ABCB1: variants seen among roughly 807,000 people sequenced by gnomAD.
ABCB1 encodes the protein ATP-dependent translocase ABCB1.
ABCB1 carries 69 observed loss-of-function variants against 142.0 expected under a neutral mutation model. The observed-to-expected ratio is 0.49, with a 90% CI of 0.40 to 0.59. The LOEUF (loss-of-function observed/expected upper bound fraction) is 0.59. Among genes scored for constraint, ABCB1 ranks in the 20% least tolerant of loss-of-function variants. ABCB1 has a pLI of 0.00. For synonymous variants in ABCB1, 532 were observed against 539.2 expected (o/e 0.99, Z 0.18); for missense variants, 1,326 against 1,554.7 (o/e 0.85, Z 2.47).
upstream of ABCB1, chr7:87,601,193 C>G (rs1270876619): frequency 2.6e-5 from 4 of 152,118 alleles, no homozygotes; most frequent in Non-Finnish European, 5.9e-5. Flanking sequence ...AACTACAGGA[C>G]GTAGTTAAGG....
At chr7:87,558,615 C>T (rs1336658547) in intron 8 of ABCB1, among the ~76,000 whole-genome samples, 1 of 151,900 alleles carries the variant, frequency 6.6e-6, no homozygotes, top group Admixed American at 6.6e-5. Flanking sequence ...ACATTTGCCT[C>T]ATTCATTATT....
chr7:87,602,384 G>A (rs1252877021), upstream of ABCB1, among the ~76,000 whole-genome samples: 2 of 142,682 alleles, frequency 1.4e-5, no homozygotes, highest in Admixed American at 1.5e-4. Flanking sequence ...GCATATGCAA[G>A]TGTACAGCAT....
In ABCB1 at chr7:87,600,880, C is replaced by T. The variant is rs1485653144; in HGVS notation, c.-132G>A. 6.6e-6 allele frequency: 1 copy of T among 152,378 alleles called. No individual in the cohort carries two copies. Among genetic ancestry groups the T allele is most frequent in the East Asian group, 1.9e-4 (1 of 5,176 alleles). The allele number at this position is 152,378 out of a possible 1,614,324, so 9.4% of individuals were successfully genotyped here. A position where few individuals can be genotyped will look rare whatever the true frequency, so the allele number is the denominator to read the frequency against. ...CTTTGAGCTTGGAAGAGCCGCTACTCGAATGAGCTCAGGCTTCCTGTGGCA... is the reference window on the plus strand; with the variant it reads ...CTTTGAGCTTGGAAGAGCCGCTACTTGAATGAGCTCAGGCTTCCTGTGGCA... On this transcript the variant is annotated 5_prime_UTR_variant, in exon 1 of 28. Coordinates refer to ENST00000622132, the MANE Select transcript of ABCB1 (RefSeq NM_001348946.2).
chr7:87,503,361 T>C lies in ABCB1; in HGVS notation c.*882A>G, dbSNP rs1343393858. On this transcript the variant is annotated 3_prime_UTR_variant, in exon 28 of 28. Transcript: ENST00000622132. ...TTTTTATCATGTTTGTATCAAGATGTAGTTAAACTCATGGCACATTTTAAA... is the reference window on the plus strand; with the variant it reads ...TTTTTATCATGTTTGTATCAAGATGCAGTTAAACTCATGGCACATTTTAAA... Among the ~76,000 whole-genome samples, 1 of 152,172 alleles carries C rather than the reference T, an allele frequency of 6.6e-6. No homozygotes were observed. Among genetic ancestry groups the C allele is most frequent in the Non-Finnish European group, 1.5e-5 (1 of 68,024 alleles).
chr7:87,546,027 A>C lies in ABCB1; in HGVS notation c.1726-3T>G. 6.2e-7 allele frequency: 1 copy of C among 1,614,074 alleles called. No individual in the cohort carries two copies. Among genetic ancestry groups the C allele is most frequent in the Admixed American group, 1.7e-5 (1 of 60,034 alleles). On this transcript the variant is annotated splice_polypyrimidine_tract_variant and splice_region_variant and intron_variant, in intron 14 of 27. Coordinates refer to ENST00000622132, the MANE Select transcript of ABCB1 (RefSeq NM_001348946.2). The stretch of plus-strand genomic sequence containing the variant: ...ATGGTGGTCCGACCTTTTCTGGCCT[A>C]AAGAGAGAGAAATTTGGTTTTTGAA...
intron 5 of ABCB1, among the ~76,000 whole-genome samples, chr7:87,568,405 C>T (rs1227765175): frequency 1.4e-5 from 2 of 144,424 alleles, no homozygotes; most frequent in South Asian, 2.1e-4. Context: ...CAGAGTAAAA[C>T]TCCATCTCAA....
intron 1 of ABCB1, among the ~76,000 whole-genome samples, chr7:87,684,020 C>A (rs1469684766): frequency 6.6e-6 from 1 of 152,044 alleles, no homozygotes; most frequent in East Asian, 1.9e-4. Flanking sequence ...ATTTTATTAG[C>A]AGACTAAAGA....
At chr7:87,566,764 A>C in intron 6 of ABCB1, 21 bp downstream of exon 6, 1 of 1,612,652 alleles carries the variant, frequency 6.2e-7, no homozygotes, top group Non-Finnish European at 8.5e-7. Context: ...ACCCAAGTTC[A>C]ACATAAAACT....
In ABCB1 at chr7:87,527,063, A is replaced by T. The variant is rs540295568; in HGVS notation, c.2685+4231T>A. On this transcript the variant is annotated intron_variant, in intron 21 of 27. Transcript: ENST00000622132. ...AGGCAGATATCCTTTCTTCTCAATG[A>T]TTTTTTTTAATAGCATCTAGGAACA... Among the ~76,000 whole-genome samples, 399 of 151,820 alleles carry T rather than the reference A, an allele frequency of 2.6e-3. 1 individual carries two copies. Among genetic ancestry groups the T allele is most frequent in the African/African-American group, 9.1e-3 (376 of 41,418 alleles).
intron 1 of ABCB1, among the ~76,000 whole-genome samples, chr7:87,626,311 CGT>C (rs1491396221): frequency 1.0e-4 from 3 of 29,666 alleles, no homozygotes; most frequent in Non-Finnish European, 1.6e-4. Context: ...ATATATGTGT[CGT>C]ATATGTGTCA....
At position 87,566,750 on chromosome 7, in the gene ABCB1, C is replaced by T. The variant is rs752103700; in HGVS notation, c.530+35G>A. ...TATTTCATTTTACTAAGGATAAGAA[C>T]GACACCCAAGTTCAACATAAAACTA... On this transcript the variant is annotated intron_variant, in intron 6 of 27. Coordinates refer to ENST00000622132, the MANE Select transcript of ABCB1 (RefSeq NM_001348946.2). 18 of 1,596,850 alleles carry T rather than the reference C, an allele frequency of 1.1e-5. No individual in the cohort carries two copies. Among genetic ancestry groups the T allele is most frequent in the East Asian group, 6.7e-5 (3 of 44,820 alleles).
chr7:87,704,936 C>G (rs1298090182), intron 1 of ABCB1, among the ~76,000 whole-genome samples: 2 of 152,194 alleles, frequency 1.3e-5, no homozygotes, highest in African/African-American at 4.8e-5. Context: ...TGAATGACTA[C>G]TAGCATAGTG....
At chr7:87,506,620 A>G (rs565514940) in intron 26 of ABCB1, among the ~76,000 whole-genome samples, 1 of 152,294 alleles carries the variant, frequency 6.6e-6, no homozygotes, top group African/African-American at 2.4e-5. Context: ...TTTTGTTGTT[A>G]GAGTGCTCCC....
At chr7:87,611,457 A>G (rs1819846708) in intron 1 of ABCB1, among the ~76,000 whole-genome samples, 1 of 152,140 alleles carries the variant, frequency 6.6e-6, no homozygotes, top group African/African-American at 2.4e-5. Context: ...CCAACTTACA[A>G]ATAAGAACAT....
chr7:87,672,755 G>A (rs1825957624), intron 1 of ABCB1, among the ~76,000 whole-genome samples: 2 of 152,188 alleles, frequency 1.3e-5, no homozygotes, highest in Non-Finnish European at 2.9e-5. Flanking sequence ...TGGGAGAAGT[G>A]TGGTTTCCTG....
At chr7:87,569,050 C>A (rs1428732250) in intron 5 of ABCB1, among the ~76,000 whole-genome samples, 1 of 152,028 alleles carries the variant, frequency 6.6e-6, no homozygotes, top group Non-Finnish European at 1.5e-5. Context: ...TCTCCATTTT[C>A]GGCAGGGCAT....
At chr7:87,636,140 C>G (rs896175461) in intron 1 of ABCB1, among the ~76,000 whole-genome samples, 2 of 152,152 alleles carry the variant, frequency 1.3e-5, no homozygotes, top group Non-Finnish European at 2.9e-5. Context: ...AGATATTCGG[C>G]TTCAGTAGAT....
chr7:87,623,844 T>A (rs938592201), intron 1 of ABCB1, among the ~76,000 whole-genome samples: 1 of 152,156 alleles, frequency 6.6e-6, no homozygotes, highest in African/African-American at 2.4e-5. Flanking sequence ...TGAAAAATAA[T>A]GACATGATAG....
chr7:87,674,355 G>A (rs940952363), intron 1 of ABCB1, among the ~76,000 whole-genome samples: 2 of 152,142 alleles, frequency 1.3e-5, no homozygotes, highest in African/African-American at 4.8e-5. Context: ...GCAGGAGCAG[G>A]GTGCTGGCAG....
Sources: allele counts gnomAD v4.1 joint callset (sites outside exome capture counted in the v4.1 genomes callset), GRCh38; gene constraint gnomAD v4.1.1; transcripts MANE v1.5; gene names NCBI Gene and HGNC (gene_info 2026-07-23, HGNC 2026-07-21).